The following ENTREP2 variants were observed in gnomAD, a reference collection of about 807,000 sequenced individuals.
ENTREP2 encodes protein ENTREP2.
chr15:29,580,046 A>G, the ENTREP2 span, among the ~76,000 whole-genome samples: 1 of 151,748 alleles, frequency 6.6e-6, no homozygotes, highest in South Asian at 2.1e-4. Flanking sequence ...GGGTTTTTCC[A>G]TGTTGCCAAG....
At chr15:29,590,158 A>AG in the ENTREP2 span, among the ~76,000 whole-genome samples, 1 of 152,144 alleles carries the variant, frequency 6.6e-6, no homozygotes, top group Non-Finnish European at 1.5e-5. Flanking sequence ...AGAAGGCCTC[A>AG]GGGGGTCTCA....
At chr15:29,157,893 C>G in the ENTREP2 span, among the ~76,000 whole-genome samples, 3 of 152,040 alleles carry the variant, frequency 2.0e-5, no homozygotes, top group Non-Finnish European at 2.9e-5. Context: ...CCACGCCCAG[C>G]TGATTTTTGT....
chr15:29,265,362 G>T, the ENTREP2 span: 1 of 152,172 alleles, frequency 6.6e-6, no homozygotes, highest in Non-Finnish European at 1.5e-5. Context: ...TTATAGGCTG[G>T]GCGAGGTGGC....
chr15:29,434,437 C>T, the ENTREP2 span, among the ~76,000 whole-genome samples: 1 of 152,172 alleles, frequency 6.6e-6, no homozygotes, highest in Non-Finnish European at 1.5e-5. Context: ...ACATCCTTGC[C>T]TTTCCTCAGC....
chr15:29,554,882 A>G, the ENTREP2 span, among the ~76,000 whole-genome samples: 1 of 152,212 alleles, frequency 6.6e-6, no homozygotes, highest in Admixed American at 6.5e-5. Flanking sequence ...TTACCCCATG[A>G]ACATTCTTAC....
the ENTREP2 span, among the ~76,000 whole-genome samples, chr15:29,206,636 C>G: frequency 6.6e-6 from 1 of 152,020 alleles, no homozygotes; most frequent in African/African-American, 2.4e-5. Flanking sequence ...GGGACTCAGT[C>G]GGGGACAGGG....
At chr15:29,647,500 A>G in the ENTREP2 span, among the ~76,000 whole-genome samples, 1 of 152,116 alleles carries the variant, frequency 6.6e-6, no homozygotes, top group Non-Finnish European at 1.5e-5. Flanking sequence ...TTACAGGCAA[A>G]TGTACTGTAA....
chr15:29,252,495 C>T, the ENTREP2 span: 1 of 1,467,098 alleles, frequency 6.8e-7, no homozygotes, highest in Non-Finnish European at 9.3e-7. Context: ...ACAAACCAAA[C>T]ATAAAATTGA....
the ENTREP2 span, among the ~76,000 whole-genome samples, chr15:29,596,599 G>T: frequency 1.3e-5 from 2 of 152,098 alleles, no homozygotes; most frequent in African/African-American, 4.8e-5. Context: ...CCATACATTT[G>T]TGGTACATTT....
chr15:29,570,461 G>C, the ENTREP2 span: 2 of 1,131,032 alleles, frequency 1.8e-6, no homozygotes, highest in Non-Finnish European at 1.1e-6. Context: ...CCCCCGGCCC[G>C]CGCAGTCCCC....
the ENTREP2 span, among the ~76,000 whole-genome samples, chr15:29,164,690 T>C: frequency 6.6e-6 from 1 of 152,062 alleles, no homozygotes; most frequent in East Asian, 1.9e-4. Flanking sequence ...CAATTACTAA[T>C]AGACCTAAGA....
the ENTREP2 span, among the ~76,000 whole-genome samples, chr15:29,485,591 GA>G: frequency 6.6e-6 from 1 of 152,182 alleles, no homozygotes; most frequent in Admixed American, 6.5e-5. Flanking sequence ...CCAAAACCAT[GA>G]AAGGAAAGGC....
the ENTREP2 span, among the ~76,000 whole-genome samples, chr15:29,480,349 A>AC: frequency 2.1e-5 from 3 of 144,214 alleles, no homozygotes; most frequent in East Asian, 2.0e-4. Flanking sequence ...AAAAAAAAAA[A>AC]AAAAAAAAAA....
the ENTREP2 span, among the ~76,000 whole-genome samples, chr15:29,139,588 G>A: frequency 6.6e-6 from 1 of 152,224 alleles, no homozygotes; most frequent in African/African-American, 2.4e-5. Flanking sequence ...CACCAGGAAG[G>A]AGAACAAGCA....
the ENTREP2 span, among the ~76,000 whole-genome samples, chr15:29,141,889 G>A: frequency 6.6e-6 from 1 of 152,234 alleles, no homozygotes; most frequent in Non-Finnish European, 1.5e-5. Flanking sequence ...CCCCAGGTAG[G>A]TTCCATGCCC....
the ENTREP2 span, chr15:29,234,235 C>T: frequency 6.2e-7 from 1 of 1,611,618 alleles, no homozygotes; most frequent in South Asian, 1.1e-5. Flanking sequence ...GTTGTCGTAA[C>T]TCTTCTCTTC....
the ENTREP2 span, among the ~76,000 whole-genome samples, chr15:29,656,700 A>C: frequency 3.9e-5 from 6 of 152,232 alleles, no homozygotes; most frequent in East Asian, 9.7e-4. Flanking sequence ...ACACCACCAA[A>C]TGCTCGCAAG....
chr15:29,300,168 ATGG>A, the ENTREP2 span, among the ~76,000 whole-genome samples: 7 of 107,356 alleles, frequency 6.5e-5, no homozygotes, highest in Non-Finnish European at 1.2e-4. Flanking sequence ...GGATGGATGG[ATGG>A]ATGGATGGAT....
chr15:29,655,705 T>G, the ENTREP2 span, among the ~76,000 whole-genome samples: 1 of 151,664 alleles, frequency 6.6e-6, no homozygotes, highest in South Asian at 2.1e-4. Flanking sequence ...AAGAATCAAA[T>G]GGAAATGCTA....
Sources: gnomAD v4.1 joint callset for allele counts (sites outside exome capture counted in the v4.1 genomes callset) on GRCh38, gnomAD v4.1.1 for gene constraint, MANE v1.5 for transcripts, NCBI Gene and HGNC (gene_info 2026-07-23, HGNC 2026-07-21) for gene names.